Variants in GSG1L observed in about 807,000 individuals in gnomAD.
The protein encoded by GSG1L is GSG1 like, also known as germ cell-specific gene 1-like protein.
In GSG1L, 24 loss-of-function variants were observed where a neutral mutation model predicts 42.1. The ratio of observed to expected loss-of-function variants is 0.57; its 90% CI spans 0.41 to 0.80. GSG1L has a LOEUF of 0.80. GSG1L is among the 30% of genes least tolerant of loss of function. The pLI, the probability that GSG1L is intolerant of heterozygous loss-of-function variation, is 0.00. For synonymous variants in GSG1L, 215 were observed against 203.5 expected (o/e 1.06, Z -0.48); for missense variants, 445 against 472.2 (o/e 0.94, Z 0.53).
At chr16:27,810,047 G>A (rs559405377) in intron 5 of GSG1L, among the ~76,000 whole-genome samples, 11 of 152,270 alleles carry the variant, frequency 7.2e-5, no homozygotes, top group African/African-American at 1.9e-4. Flanking sequence ...TCATTCATTC[G>A]CTCATTCACC....
At chr16:28,053,907 C>G (rs1316356574) in intron 1 of GSG1L, among the ~76,000 whole-genome samples, 1 of 152,180 alleles carries the variant, frequency 6.6e-6, no homozygotes, top group Non-Finnish European at 1.5e-5. Context: ...CTTCTCATCT[C>G]TCTCTGGGTC....
At chr16:27,979,692 AAGGAAGGAAGGAAGGAAGGAAG>A (rs2085297901) in intron 1 of GSG1L, among the ~76,000 whole-genome samples, 1 of 40,304 alleles carries the variant, frequency 2.5e-5, no homozygotes, top group African/African-American at 1.0e-4. Context: ...AGAAAGAAGG[AAGGAAGGAAGGAAGGAAGGAAG>A]GAAGGAAGGA....
At chr16:27,925,393 G>A (rs1567521085) in intron 2 of GSG1L, among the ~76,000 whole-genome samples, 1 of 152,018 alleles carries the variant, frequency 6.6e-6, no homozygotes, top group Non-Finnish European at 1.5e-5. Flanking sequence ...CAGGTGGTGG[G>A]AGGGAGGAGG....
intron 2 of GSG1L, among the ~76,000 whole-genome samples, chr16:27,909,882 A>G (rs1484509249): frequency 6.6e-6 from 1 of 151,702 alleles, no homozygotes; most frequent in African/African-American, 2.4e-5. Flanking sequence ...ATTGTTAAGA[A>G]CATCAAGGTT....
intron 2 of GSG1L, among the ~76,000 whole-genome samples, chr16:27,899,003 G>T (rs1369068423): frequency 6.6e-6 from 1 of 152,156 alleles, no homozygotes; most frequent in Non-Finnish European, 1.5e-5. Context: ...TACAGCCCAG[G>T]GAACCAGCTC....
intron 4 of GSG1L, among the ~76,000 whole-genome samples, chr16:27,831,583 T>G (rs1008174642): frequency 2.6e-5 from 4 of 152,122 alleles, no homozygotes; most frequent in Admixed American, 2.6e-4. Flanking sequence ...ATACCTTGCA[T>G]GAGTGGTGGA....
chr16:27,816,413 A>G (rs1045891222), intron 5 of GSG1L, among the ~76,000 whole-genome samples: 2 of 152,240 alleles, frequency 1.3e-5, no homozygotes, highest in Non-Finnish European at 2.9e-5. Flanking sequence ...ACTTCAGAGC[A>G]GGAGCTAAGT....
chr16:27,883,619 G>A (rs1277325127), intron 3 of GSG1L, among the ~76,000 whole-genome samples: 13 of 152,168 alleles, frequency 8.5e-5, no homozygotes, highest in East Asian at 1.9e-4. Flanking sequence ...CTTCCAATGC[G>A]TGAAGAATAG....
At chr16:28,029,808 C>T (rs758943431) in intron 1 of GSG1L, among the ~76,000 whole-genome samples, 3 of 152,162 alleles carry the variant, frequency 2.0e-5, no homozygotes, top group Non-Finnish European at 4.4e-5. Context: ...CTTGCTGAGT[C>T]AGGATTTTAC....
chr16:27,934,173 C>T (rs900283680), intron 2 of GSG1L, among the ~76,000 whole-genome samples: 8 of 152,220 alleles, frequency 5.3e-5, no homozygotes, highest in African/African-American at 1.9e-4. Context: ...CACTACTACC[C>T]TCCAGCTCAT....
In GSG1L at chr16:27,965,209, G is replaced by A. The variant is rs576712647; in HGVS notation, c.350-2006C>T. ...AATTTTTGTATTTTTAGTAAAGATG[G>A]GATTTCTCCATGTTGTCCAGGCTGG... On this transcript the variant is annotated intron_variant, in intron 1 of 6. Transcript: ENST00000447459. Among the ~76,000 whole-genome samples, 5 of 151,966 alleles carry A rather than the reference G, an allele frequency of 3.3e-5. No homozygotes were observed. In the South Asian group the frequency reaches 1.0e-3, roughly 32 times the overall value.
intron 1 of GSG1L, among the ~76,000 whole-genome samples, chr16:28,028,019 C>T (rs927337184): frequency 5.9e-5 from 9 of 152,170 alleles, no homozygotes; most frequent in African/African-American, 1.7e-4. Context: ...AGCAGCATCA[C>T]CTCTATTTAT....
chr16:27,918,556 G>A (rs2084485703), intron 2 of GSG1L, among the ~76,000 whole-genome samples: 1 of 151,824 alleles, frequency 6.6e-6, no homozygotes. Context: ...CTACTCAGGA[G>A]GCCAAGGCAG....
At chr16:27,902,576 G>T (rs1319120654) in intron 2 of GSG1L, among the ~76,000 whole-genome samples, 1 of 152,054 alleles carries the variant, frequency 6.6e-6, no homozygotes. Context: ...AGGGGGGGCC[G>T]CTGGTGCAGG....
chr16:28,029,530 GGGAT>G (rs60587266), intron 1 of GSG1L, among the ~76,000 whole-genome samples: 9,923 of 149,422 alleles, frequency 0.066, 1,094 homozygotes, highest in African/African-American at 0.23. Context: ...GGTGCATGAA[GGGAT>G]GGATGGATGG....
chr16:27,831,796 T>C (rs1041000169), intron 4 of GSG1L, among the ~76,000 whole-genome samples: 1 of 152,182 alleles, frequency 6.6e-6, no homozygotes, highest in Non-Finnish European at 1.5e-5. Context: ...TTTTTTCAAA[T>C]AACATGTCAC....
intron 3 of GSG1L, among the ~76,000 whole-genome samples, chr16:27,872,907 C>T (rs1326539820): frequency 1.3e-5 from 2 of 152,170 alleles, no homozygotes; most frequent in Non-Finnish European, 2.9e-5. Flanking sequence ...TGCATATAAT[C>T]AGGAAATAAT....
At chr16:28,007,863 C>T (rs1396455220) in intron 1 of GSG1L, among the ~76,000 whole-genome samples, 1 of 151,972 alleles carries the variant, frequency 6.6e-6, no homozygotes, top group Admixed American at 6.6e-5. Context: ...ATCTGAGGAC[C>T]CTGGTGTATG....
intron 3 of GSG1L, among the ~76,000 whole-genome samples, chr16:27,871,478 C>T (rs1021039700): frequency 6.6e-6 from 1 of 152,022 alleles, no homozygotes; most frequent in Non-Finnish European, 1.5e-5. Context: ...CCCGTCTCTA[C>T]AAAAAATACA....
Sources: gnomAD v4.1 joint callset for allele counts (sites outside exome capture counted in the v4.1 genomes callset) on GRCh38, gnomAD v4.1.1 for gene constraint, MANE v1.5 for transcripts, NCBI Gene and HGNC (gene_info 2026-07-23, HGNC 2026-07-21) for gene names.